The following SS18 variants were observed in gnomAD, a reference collection of about 807,000 sequenced individuals.
The protein encoded by SS18 is SS18 subunit of BAF chromatin remodeling complex.
A neutral mutation model predicts 72.5 loss-of-function variants in SS18; 28 were observed. The ratio of observed to expected loss-of-function variants is 0.39; its 90% CI spans 0.29 to 0.53. The LOEUF is 0.53. Among genes scored for constraint, SS18 ranks in the 20% least tolerant of loss-of-function variants. The pLI is 0.76. For missense variants in SS18, 518 were observed against 535.3 expected (o/e 0.97, Z 0.32); for synonymous variants, 172 against 164.2 (o/e 1.05, Z -0.37).
chr18:26,066,861 TG>T (rs908408220), intron 3 of SS18, among the ~76,000 whole-genome samples: 5 of 152,220 alleles, frequency 3.3e-5, no homozygotes, highest in Admixed American at 2.6e-4. Context: ...ACTGCCTTTG[TG>T]GAACTTTCCA....
intron 10 of SS18, among the ~76,000 whole-genome samples, chr18:26,027,344 C>A (rs909128922): frequency 1.1e-4 from 17 of 150,190 alleles, no homozygotes; most frequent in Non-Finnish European, 2.4e-4. Flanking sequence ...AAACGACAAT[C>A]CAGTAGGTAA....
At position 26,060,771 on chromosome 18, in the gene SS18, C is replaced by CAAAAAAAAAAAA. The variant is rs60999827; in HGVS notation, c.232-3041_232-3030dup. Among the ~76,000 whole-genome samples, 117 of 39,606 alleles carry CAAAAAAAAAAAA rather than the reference C, an allele frequency of 3.0e-3. 33 individuals are homozygous for CAAAAAAAAAAAA. The highest frequency in any genetic ancestry group is 5.0e-3 in the South Asian group (3 of 602). 26.0% of individuals were successfully genotyped at this position (39,606 alleles called of 152,430 possible). A position where few individuals can be genotyped will look rare whatever the true frequency, so the allele number is the denominator to read the frequency against. On this transcript the variant is annotated intron_variant, in intron 3 of 10. Transcript: ENST00000415083. ...GAAACTCTGTCTCTACTAAAAATAC[C>CAAAAAAAAAAAA]AAAAAAAAAAAAAAAAAAAAAAAAA...
At chr18:26,024,513 C>T (rs919182651) in intron 10 of SS18, among the ~76,000 whole-genome samples, 4 of 152,110 alleles carry the variant, frequency 2.6e-5, no homozygotes, top group African/African-American at 7.2e-5. Flanking sequence ...GTGGGGGTCT[C>T]GCTTTGTTGC....
chr18:26,038,486 T>G (rs1180999004), intron 7 of SS18, 69 bp downstream of exon 7: 1 of 1,425,524 alleles, frequency 7.0e-7, no homozygotes, highest in African/African-American at 1.4e-5. Context: ...CTGAAATGTT[T>G]TAAATAACTC....
At chr18:26,084,528 TGATACCACCTTAGTTAA>T (rs143995484) in intron 2 of SS18, among the ~76,000 whole-genome samples, 4,198 of 152,206 alleles carry the variant, frequency 0.028, 88 homozygotes, top group Non-Finnish European at 0.042. Context: ...CATAAAGTTA[TGATACCACCTTAGTTAA>T]GATACCACCT....
chr18:26,088,697 C>T (rs376986184), intron 1 of SS18, among the ~76,000 whole-genome samples: 49 of 152,176 alleles, frequency 3.2e-4, no homozygotes, highest in African/African-American at 1.2e-3. Context: ...CTTAAGTTTT[C>T]AGGGGCTGAT....
intron 1 of SS18, chr18:26,089,803 G>C (rs1255696064): frequency 1.3e-5 from 2 of 152,262 alleles, no homozygotes; most frequent in South Asian, 4.1e-4. Flanking sequence ...TAAGCTCCAG[G>C]AAGGCAAGGA....
chr18:26,078,021 A>G, intron 3 of SS18, 55 bp downstream of exon 3: 1 of 1,322,874 alleles, frequency 7.6e-7, no homozygotes, highest in Non-Finnish European at 1.1e-6. Context: ...AAAATGTGCC[A>G]TACCATATGT....
chr18:26,056,437 T>G (rs1420551770), intron 4 of SS18, among the ~76,000 whole-genome samples: 1 of 152,226 alleles, frequency 6.6e-6, no homozygotes, highest in Non-Finnish European at 1.5e-5. Flanking sequence ...AGTGATGTCT[T>G]TATTCCTACC....
chr18:26,063,392 G>A (rs8099249), intron 3 of SS18, among the ~76,000 whole-genome samples: 12,851 of 152,108 alleles, frequency 0.084, 810 homozygotes, highest in Admixed American at 0.15. Context: ...GGTGGCGGGC[G>A]CCTGTAGTCC....
At chr18:26,065,326 A>G (rs1401708871) in intron 3 of SS18, among the ~76,000 whole-genome samples, 1 of 151,752 alleles carries the variant, frequency 6.6e-6, no homozygotes, top group Non-Finnish European at 1.5e-5. Flanking sequence ...GCTACAATAA[A>G]TAAGACATAA....
chr18:26,047,347 T>C (rs2053843477), intron 5 of SS18, among the ~76,000 whole-genome samples: 1 of 150,946 alleles, frequency 6.6e-6, no homozygotes, highest in South Asian at 2.1e-4. Flanking sequence ...GTTTCTTTAA[T>C]AAAAATCTTC....
chr18:26,039,823 T>C (rs954310189), intron 5 of SS18, among the ~76,000 whole-genome samples: 1 of 152,196 alleles, frequency 6.6e-6, no homozygotes, highest in Non-Finnish European at 1.5e-5. Context: ...TATGCTACAC[T>C]GGAAAATATA....
chr18:26,058,180 G>A (rs1014564246), intron 3 of SS18, among the ~76,000 whole-genome samples: 1 of 152,182 alleles, frequency 6.6e-6, no homozygotes, highest in African/African-American at 2.4e-5. Context: ...ATTTCGGGGT[G>A]GAGGATAGTG....
intron 3 of SS18, 115 bp downstream of exon 3, chr18:26,077,961 T>G (rs1568029733): frequency 1.6e-6 from 1 of 642,752 alleles, no homozygotes; most frequent in Non-Finnish European, 2.6e-6. Flanking sequence ...ACTTTCATGT[T>G]CTCAGAGTAA....
chr18:26,062,255 T>A (rs1245084250), intron 3 of SS18, among the ~76,000 whole-genome samples: 1 of 152,018 alleles, frequency 6.6e-6, no homozygotes, highest in African/African-American at 2.4e-5. Flanking sequence ...AGCAAGACTG[T>A]CTAAAAAAAG....
chr18:26,025,230 T>C (rs1462009827), intron 10 of SS18, among the ~76,000 whole-genome samples: 4 of 152,062 alleles, frequency 2.6e-5, no homozygotes. Flanking sequence ...TCAGATGCAG[T>C]TTAAGAATAC....
intron 5 of SS18, among the ~76,000 whole-genome samples, chr18:26,042,621 T>C (rs552593496): frequency 6.0e-5 from 9 of 150,798 alleles, no homozygotes; most frequent in African/African-American, 2.0e-4. Flanking sequence ...CTTAATTTTA[T>C]CTTAAGTCAG....
intron 10 of SS18, among the ~76,000 whole-genome samples, chr18:26,026,196 C>A (rs1043753919): frequency 6.6e-6 from 1 of 152,090 alleles, no homozygotes; most frequent in African/African-American, 2.4e-5. Context: ...GGGGGTCTTG[C>A]TTTGTTGCCC....
Sources: gnomAD v4.1 joint callset for allele counts (sites outside exome capture counted in the v4.1 genomes callset) on GRCh38, gnomAD v4.1.1 for gene constraint, MANE v1.5 for transcripts, NCBI Gene and HGNC (gene_info 2026-07-23, HGNC 2026-07-21) for gene names.